The following SLC38A6 variants were observed in gnomAD, a reference collection of about 807,000 sequenced individuals.
SLC38A6 encodes the protein N system amino acid transporter NAT-1.
A neutral mutation model predicts 65.0 loss-of-function variants in SLC38A6; 73 were observed. That is an observed-to-expected ratio of 1.12 (90% CI 0.93 to 1.37). The LOEUF (loss-of-function observed/expected upper bound fraction) is 1.37, where lower values mean the gene tolerates loss of function less well. SLC38A6 is among the 40% of genes most tolerant of loss of function. The probability of loss-of-function intolerance (pLI) is 0.00; values close to 1 mark genes in which losing one functional copy is unlikely to be tolerated. For synonymous variants in SLC38A6, 183 were observed against 178.8 expected, an observed-to-expected ratio of 1.02 and a Z score of -0.19; for missense variants, 561 against 531.1, an observed-to-expected ratio of 1.06 and a Z score of -0.55.
In SLC38A6 at chr14:61,043,166, C is replaced by T. The variant is rs993339388; in HGVS notation, c.644C>T (p.Ser215Phe). 1 of 1,538,358 alleles carries T rather than the reference C, an allele frequency of 6.5e-7. No individual in the cohort carries two copies. The highest frequency in any genetic ancestry group is 8.9e-7 in the Non-Finnish European group (1 of 1,126,840). Residue 215 changes from serine to phenylalanine, a missense_variant, in exon 9 of 16, where the codon TCC (serine) becomes TTC (phenylalanine). Ser to Phe is a radical substitution (Grantham distance 155). Coordinates refer to ENST00000267488, the MANE Select transcript of SLC38A6 (RefSeq NM_153811.3). ...TTTTAGGTAATAATTAAAAAATGGT[C>T]CATCCCTTGTCCTCTGACATTAAAT... ...FALVVIIKKW[S>F]IPCPLTLNYV... is the part of the protein sequence containing the mutation.
intron 5 of SLC38A6, among the ~76,000 whole-genome samples, chr14:61,024,523 C>G (rs2040507845): frequency 6.6e-6 from 1 of 152,168 alleles, no homozygotes; most frequent in Non-Finnish European, 1.5e-5. Flanking sequence ...GGGGACAATT[C>G]TGGCTTAGAG....
At chr14:61,046,649 C>G (rs1253394514) in intron 12 of SLC38A6, among the ~76,000 whole-genome samples, 2 of 152,160 alleles carry the variant, frequency 1.3e-5, no homozygotes, top group African/African-American at 4.8e-5. Flanking sequence ...CAGGATTCAG[C>G]AGATGTGCAT....
intron 3 of SLC38A6, among the ~76,000 whole-genome samples, chr14:60,988,916 T>C (rs938361723): frequency 1.3e-5 from 2 of 152,224 alleles, no homozygotes; most frequent in African/African-American, 4.8e-5. Flanking sequence ...CAGACTGATA[T>C]CACTATAATT....
intron 4 of SLC38A6, among the ~76,000 whole-genome samples, chr14:61,016,735 A>G (rs899175793): frequency 7.2e-5 from 11 of 152,292 alleles, no homozygotes; most frequent in Admixed American, 5.9e-4. Context: ...CCAAACAGGA[A>G]TTCTTTTGTT....
chr14:60,992,029 A>G (rs2037931444), intron 3 of SLC38A6, among the ~76,000 whole-genome samples: 1 of 152,226 alleles, frequency 6.6e-6, no homozygotes, highest in Non-Finnish European at 1.5e-5. Flanking sequence ...GAGCCCAACT[A>G]AAAGTCAGGG....
In SLC38A6 at chr14:61,051,922, G is replaced by A. The variant is rs775755141; in HGVS notation, c.1186G>A (p.Gly396Ser). 1 of 1,605,508 alleles carries A rather than the reference G, an allele frequency of 6.2e-7. No homozygotes were observed. Among genetic ancestry groups the A allele is most frequent in the African/African-American group, 1.3e-5 (1 of 74,460 alleles). The change falls in exon 14 of 16, where the codon GGT (glycine) becomes AGT (serine). Residue 396 changes from glycine (G) to serine (S), a missense_variant. Coordinates refer to ENST00000267488, the MANE Select transcript of SLC38A6 (RefSeq NM_153811.3). ...TGTTCCTGACATTAGAAATGTATTTGGTGTAGTTGGTAAGTTTTCTGTTTC... is the reference window on the plus strand; with the variant it reads ...TGTTCCTGACATTAGAAATGTATTTAGTGTAGTTGGTAAGTTTTCTGTTTC... ...IYVPDIRNVF[G>S]VVGASTSTCL...
chr14:61,024,255 T>C (rs2040494657), intron 5 of SLC38A6, among the ~76,000 whole-genome samples: 1 of 152,224 alleles, frequency 6.6e-6, no homozygotes, highest in African/African-American at 2.4e-5. Context: ...ACACTAGATT[T>C]AACACTCTTA....
chr14:61,017,890 C>T (rs1292157245), intron 4 of SLC38A6, among the ~76,000 whole-genome samples: 1 of 152,152 alleles, frequency 6.6e-6, no homozygotes, highest in Non-Finnish European at 1.5e-5. Flanking sequence ...TTAACCATTT[C>T]CTTCTATCCA....
At chr14:61,036,334 T>C (rs2041361441) in intron 6 of SLC38A6, among the ~76,000 whole-genome samples, 1 of 152,060 alleles carries the variant, frequency 6.6e-6, no homozygotes, top group African/African-American at 2.4e-5. Context: ...AAGTCTTTGT[T>C]CTTCAGGAAC....
chr14:60,985,918 G>C (rs1487571502), intron 3 of SLC38A6, among the ~76,000 whole-genome samples: 2 of 152,114 alleles, frequency 1.3e-5, no homozygotes, highest in African/African-American at 4.8e-5. Flanking sequence ...GGGCATGCCA[G>C]GTTCTTTTTA....
chr14:61,051,542 A>C (rs1367702596), intron 13 of SLC38A6, among the ~76,000 whole-genome samples: 1 of 152,198 alleles, frequency 6.6e-6, no homozygotes, highest in African/African-American at 2.4e-5. Context: ...GCAACCTAAA[A>C]AAATTGCATG....
At chr14:61,062,527 A>C (rs1029673444) in intron 15 of SLC38A6, among the ~76,000 whole-genome samples, 18 of 149,894 alleles carry the variant, frequency 1.2e-4, no homozygotes, top group African/African-American at 4.4e-4. Flanking sequence ...GGGTCTTGCT[A>C]TGTTGCCCCG....
intron 3 of SLC38A6, among the ~76,000 whole-genome samples, chr14:60,994,730 A>G (rs1435441626): frequency 7.0e-6 from 1 of 142,746 alleles, no homozygotes; most frequent in African/African-American, 2.6e-5. Context: ...AATACCCAGC[A>G]TGGTGGCTCA....
At chr14:61,054,144 T>C (rs1289019486), downstream of SLC38A6, among the ~76,000 whole-genome samples, 1 of 152,192 alleles carries the variant, frequency 6.6e-6, no homozygotes, top group Non-Finnish European at 1.5e-5. Flanking sequence ...TTTTCCCCAT[T>C]GCTTGTTTCT....
At chr14:61,033,181 T>C (rs1459021874) in intron 6 of SLC38A6, among the ~76,000 whole-genome samples, 4 of 152,048 alleles carry the variant, frequency 2.6e-5, no homozygotes, top group African/African-American at 4.8e-5. Flanking sequence ...ATAATTGATA[T>C]GGGATGTGAG....
intron 13 of SLC38A6, among the ~76,000 whole-genome samples, chr14:61,051,507 T>C (rs1001764087): frequency 1.3e-5 from 2 of 152,136 alleles, no homozygotes; most frequent in African/African-American, 4.8e-5. Flanking sequence ...TTCATATTTT[T>C]ATTGTTGGTA....
Position 61,000,949 on chromosome 14 carries a change from C to T in SLC38A6, c.311-14955C>T, listed in dbSNP as rs141577027. ...TGGTTTGGAATGGTTGTGAGCTGTC[C>T]AAACTATATTTTGATGTGTTTTTCT... On this transcript the variant is annotated intron_variant, in intron 3 of 15. Coordinates refer to ENST00000267488, the MANE Select transcript of SLC38A6 (RefSeq NM_153811.3). Among the ~76,000 whole-genome samples the T allele has an allele frequency of 9.4e-3, 1,430 of 152,264 alleles. 12 individuals carry two copies. The highest frequency in any genetic ancestry group is 0.033 in the African/African-American group (1,371 of 41,558).
rs1156719246 is a variant in SLC38A6 at position 60,982,756 on chromosome 14, T to A, written c.236+118T>A. 11 of 1,173,916 alleles carry A rather than the reference T, an allele frequency of 9.4e-6. No homozygotes were observed. In the East Asian group the frequency reaches 2.5e-4, roughly 27 times the overall value. The allele number at this position is 1,173,916 out of a possible 1,614,324, so 72.7% of individuals were successfully genotyped here. ...AATTTCTAGTTAGTTATTTCTGGGG[T>A]TTTAGCATTTTTCTTGTTATTCTTG... On this transcript the variant is annotated intron_variant, in intron 2 of 15. Transcript: ENST00000267488.
chr14:61,039,163 AT>A (rs2041614462), intron 8 of SLC38A6, among the ~76,000 whole-genome samples: 1 of 152,156 alleles, frequency 6.6e-6, no homozygotes. Flanking sequence ...TGTTTCTGTC[AT>A]GACAGATACT....
Sources: allele counts gnomAD v4.1 joint callset (sites outside exome capture counted in the v4.1 genomes callset), GRCh38; gene constraint gnomAD v4.1.1; transcripts MANE v1.5; gene names NCBI Gene and HGNC (gene_info 2026-07-23, HGNC 2026-07-21).